The following IKZF1 variants were observed in gnomAD, a reference collection of about 807,000 sequenced individuals.
IKZF1 encodes the protein DNA-binding protein Ikaros.
In IKZF1, 10 loss-of-function variants were observed where a neutral mutation model predicts 51.7. The ratio of observed to expected loss-of-function variants is 0.19; its 90% CI spans 0.12 to 0.33. The LOEUF is 0.33. Among genes scored for constraint, IKZF1 ranks in the 10% least tolerant of loss-of-function variants. The pLI is 1.00. For missense variants in IKZF1, 484 were observed against 707.5 expected (o/e 0.68, Z 3.58); for synonymous variants, 280 against 282.3 (o/e 0.99, Z 0.08).
At chr7:50,397,459 C>T (rs191109372) in intron 7 of IKZF1, among the ~76,000 whole-genome samples, 1 of 152,244 alleles carries the variant, frequency 6.6e-6, no homozygotes, top group East Asian at 1.9e-4. Flanking sequence ...TTGAAAACAA[C>T]AGATTTCAGT....
chr7:50,341,577 G>A (rs1474232766), intron 3 of IKZF1, among the ~76,000 whole-genome samples: 1 of 152,086 alleles, frequency 6.6e-6, no homozygotes, highest in Non-Finnish European at 1.5e-5. Context: ...TAGCATCTGT[G>A]GAACATTATT....
chr7:50,322,160 A>T (rs1249359770), intron 2 of IKZF1, among the ~76,000 whole-genome samples: 1 of 151,932 alleles, frequency 6.6e-6, no homozygotes, highest in Non-Finnish European at 1.5e-5. Flanking sequence ...TTTCATTTCT[A>T]AAGTTGGAAG....
intron 3 of IKZF1, among the ~76,000 whole-genome samples, chr7:50,355,630 TAA>T (rs1491309163): frequency 1.4e-5 from 2 of 143,368 alleles, no homozygotes; most frequent in African/African-American, 5.1e-5. Context: ...AATAAATAAA[TAA>T]ATAAATAAAT....
At chr7:50,350,915 G>C (rs1000655690) in intron 3 of IKZF1, among the ~76,000 whole-genome samples, 14 of 152,338 alleles carry the variant, frequency 9.2e-5, no homozygotes, top group Non-Finnish European at 1.6e-4. Context: ...AGGACCCAGG[G>C]AGCCAAGTGT....
chr7:50,349,489 G>C (rs182465108), intron 3 of IKZF1, among the ~76,000 whole-genome samples: 1 of 152,196 alleles, frequency 6.6e-6, no homozygotes, highest in South Asian at 2.1e-4. Context: ...TGGGGAAAAG[G>C]AACAGGGAGT....
At chr7:50,398,120 G>A (rs1817187936) in intron 7 of IKZF1, among the ~76,000 whole-genome samples, 1 of 152,174 alleles carries the variant, frequency 6.6e-6, no homozygotes, top group Non-Finnish European at 1.5e-5. Flanking sequence ...CTCAGTGTCA[G>A]GTGCATCGTG....
chr7:50,310,960 T>C (rs1790025008), intron 1 of IKZF1, among the ~76,000 whole-genome samples: 1 of 152,228 alleles, frequency 6.6e-6, no homozygotes, highest in Non-Finnish European at 1.5e-5. Context: ...GAGACCAAAC[T>C]ACAATTTAAG....
intron 1 of IKZF1, among the ~76,000 whole-genome samples, chr7:50,307,411 A>G (rs1363619852): frequency 6.6e-6 from 1 of 152,182 alleles, no homozygotes; most frequent in Non-Finnish European, 1.5e-5. Flanking sequence ...CGTTCTCTGA[A>G]AACGCTTGTC....
chr7:50,307,795 A>T (rs538109386), intron 1 of IKZF1, among the ~76,000 whole-genome samples: 16 of 152,266 alleles, frequency 1.1e-4, no homozygotes, highest in African/African-American at 3.6e-4. Context: ...AGCATTATAC[A>T]CACTGTCACA....
At chr7:50,390,492 T>C (rs1278260215) in intron 6 of IKZF1, among the ~76,000 whole-genome samples, 2 of 152,226 alleles carry the variant, frequency 1.3e-5, no homozygotes, top group Non-Finnish European at 2.9e-5. Flanking sequence ...TTGAAATATA[T>C]GTTTTCAAAG....
chr7:50,333,809 A>G (rs925438739), intron 3 of IKZF1, among the ~76,000 whole-genome samples: 3,237 of 152,312 alleles, frequency 0.021, 126 homozygotes, highest in African/African-American at 0.072. Context: ...TCCATGGAGC[A>G]AATTTTGAAA....
At chr7:50,335,568 G>A (rs1310512740) in intron 3 of IKZF1, among the ~76,000 whole-genome samples, 1 of 150,494 alleles carries the variant, frequency 6.6e-6, no homozygotes, top group Non-Finnish European at 1.5e-5. Flanking sequence ...GGTGTGTGGT[G>A]TGTATGTGTG....
chr7:50,376,560 G>A lies in IKZF1; in HGVS notation c.188G>A (p.Ser63Asn). The A allele has an allele frequency of 2.5e-6, 4 of 1,613,932 alleles. No homozygotes were observed. The highest frequency in any genetic ancestry group is 3.4e-6 in the Non-Finnish European group (4 of 1,179,888). Residue 63 changes from serine to asparagine, a missense_variant, in exon 4 of 8, where the codon AGT (serine) becomes AAT (asparagine). Ser to Asn is a conservative substitution (Grantham distance 46, BLOSUM62 1). Transcript: ENST00000331340. The surrounding 1 kb of genome is among the most constrained non-coding windows in gnomAD (Gnocchi z 4.5). ...AGTAATGTTAAAGTAGAGACTCAGA[G>A]TGATGAAGAGAATGGGCGTGCCTGT... The part of the protein sequence containing the change: ...VASNVKVETQ[S>N]DEENGRACEM...
At position 50,400,817 on chromosome 7, in the gene IKZF1, AT is replaced by A; in HGVS notation, c.*195del. 2 of 737,430 alleles carry A rather than the reference AT, an allele frequency of 2.7e-6. No individual in the cohort carries two copies. The highest frequency in any genetic ancestry group is 4.3e-6 in the Non-Finnish European group (2 of 465,768). 45.7% of individuals were successfully genotyped at this position (737,430 alleles called of 1,614,324 possible). On this transcript the variant is annotated 3_prime_UTR_variant, in exon 8 of 8. Transcript: ENST00000331340. This position sits in a 1 kb window ranked among gnomAD's most constrained non-coding sequence, Gnocchi z 5.4. ...TTGATTTGCTTTTGAAAAGATTTTT[AT>A]TTTTAGAGGCAGGGCTGCATTGGGA... is the stretch of plus-strand genomic sequence containing the variant.
At chr7:50,355,730 A>G (rs567914800) in intron 3 of IKZF1, among the ~76,000 whole-genome samples, 18 of 152,356 alleles carry the variant, frequency 1.2e-4, no homozygotes, top group Non-Finnish European at 2.5e-4. Flanking sequence ...TCTAAGAACA[A>G]TGAGAGTTCT....
chr7:50,346,435 A>G (rs529437762), intron 3 of IKZF1, among the ~76,000 whole-genome samples: 33 of 152,352 alleles, frequency 2.2e-4, no homozygotes, highest in Non-Finnish European at 1.5e-4. Flanking sequence ...CAAGCAGTTC[A>G]GCCCTTCAAA....
At chr7:50,337,246 C>A (rs916231676) in intron 3 of IKZF1, among the ~76,000 whole-genome samples, 3,316 of 152,154 alleles carry the variant, frequency 0.022, 139 homozygotes, top group African/African-American at 0.076. Context: ...ACAGGGTAGT[C>A]TTTTTAGGAG....
intron 3 of IKZF1, among the ~76,000 whole-genome samples, chr7:50,330,578 G>C (rs894795026): frequency 6.6e-6 from 1 of 152,198 alleles, no homozygotes; most frequent in Admixed American, 6.5e-5. Flanking sequence ...GCTGAGTTTA[G>C]AGACCACCCT....
chr7:50,357,067 A>C (rs560777842), intron 3 of IKZF1, among the ~76,000 whole-genome samples: 2 of 151,676 alleles, frequency 1.3e-5, no homozygotes, highest in Non-Finnish European at 1.5e-5. Context: ...GTGTGATTCC[A>C]CTTGTGATCC....
Sources: allele counts gnomAD v4.1 joint callset (sites outside exome capture counted in the v4.1 genomes callset), GRCh38; gene constraint gnomAD v4.1.1; non-coding constraint Gnocchi (gnomAD v3.1); transcripts MANE v1.5; gene names NCBI Gene and HGNC (gene_info 2026-07-23, HGNC 2026-07-21).